Variants in ST3GAL3 observed in about 807,000 individuals in gnomAD.
ST3GAL3 encodes the protein ST3 beta-galactoside alpha-2,3-sialyltransferase 3, also known as CMP-N-acetylneuraminate-beta-1,4-galactoside alpha-2,3-sialyltransferase.
Under a neutral mutation model 50.1 loss-of-function variants are expected in ST3GAL3, and 21 were observed. The ratio of observed to expected loss-of-function variants is 0.42; its 90% CI spans 0.30 to 0.60. The LOEUF (loss-of-function observed/expected upper bound fraction) is 0.60. Among genes scored for constraint, ST3GAL3 ranks in the 20% least tolerant of loss-of-function variants. The pLI is 0.19. For synonymous variants in ST3GAL3, 183 were observed against 190.0 expected, an observed-to-expected ratio of 0.96 and a Z score of 0.30; for missense variants, 353 against 489.4, an observed-to-expected ratio of 0.72 and a Z score of 2.63.
chr1:43,920,954 C>G, intron 11 of ST3GAL3, 26 bp downstream of exon 11: 3 of 1,586,672 alleles, frequency 1.9e-6, no homozygotes, highest in Non-Finnish European at 2.6e-6. Context: ...TGGGGGCAAT[C>G]CCTGGGTGGG....
At chr1:43,906,079 C>T (rs565855573) in intron 9 of ST3GAL3, among the ~76,000 whole-genome samples, 1 of 119,762 alleles carries the variant, frequency 8.3e-6, no homozygotes, top group Admixed American at 8.4e-5. Flanking sequence ...CACTTTTCCT[C>T]CCCCTCCTCC....
intron 4 of ST3GAL3, chr1:43,824,810 A>G (rs2062576245): frequency 7.5e-7 from 1 of 1,335,166 alleles, no homozygotes; most frequent in African/African-American, 1.4e-5. Flanking sequence ...AAAATTACTG[A>G]TGCCTGCATC....
At chr1:43,757,777 T>C (rs1348094682) in intron 2 of ST3GAL3, among the ~76,000 whole-genome samples, 1 of 152,146 alleles carries the variant, frequency 6.6e-6, no homozygotes, top group Non-Finnish European at 1.5e-5. Flanking sequence ...AAAAAAAACA[T>C]TGAACTTTAT....
intron 4 of ST3GAL3, 44 bp from the exon 5 acceptor site, chr1:43,838,168 CACTCAGT>C (rs915463498): frequency 3.5e-6 from 4 of 1,130,672 alleles, no homozygotes; most frequent in African/African-American, 3.2e-5. Context: ...ATTAATAACC[CACTCAGT>C]GCTCAGTGCC....
At chr1:43,852,707 T>C (rs1297148415) in intron 5 of ST3GAL3, among the ~76,000 whole-genome samples, 1 of 152,212 alleles carries the variant, frequency 6.6e-6, no homozygotes, top group Non-Finnish European at 1.5e-5. Context: ...TATTCCAATA[T>C]ATGATAGATT....
chr1:43,725,057 A>G (rs12097684), intron 1 of ST3GAL3, among the ~76,000 whole-genome samples: 2,619 of 152,258 alleles, frequency 0.017, 74 homozygotes, highest in African/African-American at 0.06. Flanking sequence ...TGTTTGTCCT[A>G]TTAGCTTTGG....
At chr1:43,775,396 G>A (rs997196663) in intron 2 of ST3GAL3, among the ~76,000 whole-genome samples, 1 of 152,000 alleles carries the variant, frequency 6.6e-6, no homozygotes, top group African/African-American at 2.4e-5. Context: ...ACAATGCCTG[G>A]CTAATGTTTG....
chr1:43,859,841 C>T (rs1008395829), intron 5 of ST3GAL3, among the ~76,000 whole-genome samples: 1 of 152,230 alleles, frequency 6.6e-6, no homozygotes, highest in South Asian at 2.1e-4. Context: ...CAGTGAGGTT[C>T]TGGCCAGGTT....
chr1:43,761,239 T>C (rs1322589834), intron 2 of ST3GAL3, among the ~76,000 whole-genome samples: 2 of 152,218 alleles, frequency 1.3e-5, no homozygotes, highest in Non-Finnish European at 2.9e-5. Flanking sequence ...TCACAAGCCA[T>C]TGCAGGCTGG....
At chr1:43,786,588 C>T (rs77829827) in intron 2 of ST3GAL3, among the ~76,000 whole-genome samples, 2,907 of 152,274 alleles carry the variant, frequency 0.019, 49 homozygotes, top group Non-Finnish European at 0.03. Flanking sequence ...CCTTGGTCTC[C>T]GTTACATGCT....
Position 43,920,558 on chromosome 1 carries a change from A to G in ST3GAL3, c.891+8A>G, listed in dbSNP as rs910845282. ...GGCCTCATGGGCCGGGGGGTGAGAT[A>G]TCTGGGCCCTGGGAGAGGGAGGAGG... On this transcript the variant is annotated splice_region_variant and intron_variant, in intron 10 of 11. Transcript: ENST00000347631. 7.4e-6 allele frequency: 12 copies of G among 1,613,344 alleles called. No homozygotes were observed. In the Admixed American group the frequency reaches 1.0e-4, roughly 13 times the overall value.
chr1:43,758,347 C>T (rs764193427), intron 2 of ST3GAL3, among the ~76,000 whole-genome samples: 3 of 152,168 alleles, frequency 2.0e-5, no homozygotes, highest in Non-Finnish European at 4.4e-5. Context: ...AAGTCCTGGG[C>T]TCAGGCAATC....
In ST3GAL3 at chr1:43,728,880, T is replaced by C. The variant is rs546944641; in HGVS notation, c.-30-7353T>C. ...ATATGTACATATACACACACACACATATATATTTCTGTATTATTGTTCGTT... is the reference window on the plus strand; with the variant it reads ...ATATGTACATATACACACACACACACATATATTTCTGTATTATTGTTCGTT... On this transcript the variant is annotated intron_variant, in intron 1 of 11. Transcript: ENST00000347631. 5.3e-5 allele frequency among the ~76,000 whole-genome samples: 8 copies of C among 152,090 alleles called. No individual in the cohort carries two copies. The East Asian group carries it at 9.7e-4, about 18-fold the overall frequency.
chr1:43,851,080 T>A lies in ST3GAL3; in HGVS notation c.302+12769T>A, dbSNP rs1345465521. 1.1e-5 allele frequency: 10 copies of A among 891,354 alleles called. No homozygotes were observed. In the Middle Eastern group the frequency reaches 8.6e-4, roughly 76 times the overall value. 55.2% of individuals were successfully genotyped at this position (891,354 alleles called of 1,614,324 possible). On this transcript the variant is annotated intron_variant, in intron 5 of 11. Coordinates refer to ENST00000347631, the MANE Select transcript of ST3GAL3 (RefSeq NM_006279.5). ...GTCCACCATGAGATACACCCCATTC[T>A]CATCTGCAGTTTTTCTGCAGCGGGG...
chr1:43,842,004 C>A, intron 5 of ST3GAL3: 1 of 152,242 alleles, frequency 6.6e-6, no homozygotes, highest in Non-Finnish European at 1.5e-5. Flanking sequence ...CTCTCAACTT[C>A]AAACTTCCAC....
chr1:43,908,085 G>T lies in ST3GAL3; in HGVS notation c.744+8358G>T, dbSNP rs192745779. On this transcript the variant is annotated intron_variant, in intron 9 of 11. Coordinates refer to ENST00000347631, the MANE Select transcript of ST3GAL3 (RefSeq NM_006279.5). ...GTAGTGGGCACAGCGCTGGGTTCTA[G>T]GGATAGCCCCTGATTCTTAAAACTC... is the stretch of plus-strand genomic sequence containing the variant. Among the ~76,000 whole-genome samples the T allele has an allele frequency of 2.2e-4, 33 of 152,286 alleles. 1 individual carries two copies. In the East Asian group the frequency reaches 6.4e-3, roughly 29 times the overall value.
At chr1:43,773,547 A>G (rs775419496) in intron 2 of ST3GAL3, among the ~76,000 whole-genome samples, 1 of 152,186 alleles carries the variant, frequency 6.6e-6, no homozygotes, top group African/African-American at 2.4e-5. Context: ...CATTTGTCCT[A>G]TCTTTGTAGA....
chr1:43,730,589 TAGAC>T (rs1399753737), intron 1 of ST3GAL3, among the ~76,000 whole-genome samples: 18 of 136,604 alleles, frequency 1.3e-4, no homozygotes, highest in Admixed American at 8.7e-4. Flanking sequence ...TTTTTTTTTT[TAGAC>T]AGAGTCTTGC....
intron 2 of ST3GAL3, among the ~76,000 whole-genome samples, chr1:43,776,369 G>T (rs1238801699): frequency 1.3e-5 from 2 of 152,054 alleles, no homozygotes; most frequent in Non-Finnish European, 2.9e-5. Flanking sequence ...ATGTTTCAAG[G>T]TTTGCCCATA....
Sources: gnomAD v4.1 joint callset for allele counts (sites outside exome capture counted in the v4.1 genomes callset) on GRCh38, gnomAD v4.1.1 for gene constraint, MANE v1.5 for transcripts, NCBI Gene and HGNC (gene_info 2026-07-23, HGNC 2026-07-21) for gene names.